The following SND1 variants were observed in gnomAD, a reference collection of about 807,000 sequenced individuals.
SND1 encodes the protein staphylococcal nuclease domain-containing protein 1.
SND1 carries 38 observed loss-of-function variants against 121.7 expected under a neutral mutation model. That is an observed-to-expected ratio of 0.31 (90% CI 0.24 to 0.41). The LOEUF (loss-of-function observed/expected upper bound fraction) is 0.41, where lower values mean the gene tolerates loss of function less well. SND1 is among the 10% of genes least tolerant of loss of function. The pLI is 1.00. For missense variants in SND1, 868 were observed against 1,184.6 expected, an observed-to-expected ratio of 0.73 and a Z score of 3.92; for synonymous variants, 401 against 447.4, an observed-to-expected ratio of 0.90 and a Z score of 1.31.
chr7:127,807,804 C>G (rs1798262990), intron 11 of SND1, among the ~76,000 whole-genome samples: 1 of 152,216 alleles, frequency 6.6e-6, no homozygotes, highest in Admixed American at 6.5e-5. Context: ...AGTCTCACAG[C>G]AGGGTCCGGG....
intron 11 of SND1, among the ~76,000 whole-genome samples, chr7:127,808,912 A>G (rs1048236942): frequency 6.6e-6 from 1 of 152,220 alleles, no homozygotes; most frequent in African/African-American, 2.4e-5. Context: ...GTGGGTTTCT[A>G]TTGAAATTTA....
At chr7:127,658,434 A>G (rs988197554) in intron 1 of SND1, among the ~76,000 whole-genome samples, 4 of 152,194 alleles carry the variant, frequency 2.6e-5, no homozygotes, top group African/African-American at 9.7e-5. Context: ...CAAAGTCACT[A>G]TTTTTCTTCT....
chr7:127,938,899 T>A (rs1018179760), intron 15 of SND1, among the ~76,000 whole-genome samples: 13 of 152,222 alleles, frequency 8.5e-5, no homozygotes, highest in Non-Finnish European at 1.5e-4. Flanking sequence ...AATTTTTTTT[T>A]ATATTCAGTG....
intron 3 of SND1, among the ~76,000 whole-genome samples, chr7:127,698,119 T>C (rs1796039654): frequency 6.6e-6 from 1 of 152,202 alleles, no homozygotes; most frequent in Admixed American, 6.5e-5. Flanking sequence ...TTTTTCTTGC[T>C]AGGTCTGATG....
intron 14 of SND1, among the ~76,000 whole-genome samples, chr7:127,917,453 T>C (rs1419279930): frequency 6.6e-6 from 1 of 152,212 alleles, no homozygotes; most frequent in Admixed American, 6.5e-5. Flanking sequence ...TAGGAACAAA[T>C]TTTTATTCTC....
intron 15 of SND1, among the ~76,000 whole-genome samples, chr7:127,940,604 C>T (rs1028993674): frequency 2.1e-4 from 32 of 152,168 alleles, no homozygotes; most frequent in Non-Finnish European, 7.3e-5. Flanking sequence ...AAATCTCCCA[C>T]CCCTTTCAAC....
At chr7:127,828,622 CTTCT>C (rs1294602561) in intron 11 of SND1, among the ~76,000 whole-genome samples, 3 of 152,090 alleles carry the variant, frequency 2.0e-5, no homozygotes, top group African/African-American at 7.2e-5. Context: ...TGGCTTTGTT[CTTCT>C]TTCTTGTAGA....
At chr7:127,772,576 C>CA (rs1454214885) in intron 10 of SND1, among the ~76,000 whole-genome samples, 1 of 152,174 alleles carries the variant, frequency 6.6e-6, no homozygotes, top group African/African-American at 2.4e-5. Context: ...CAGAAATCCT[C>CA]AAAAAATATT....
intron 14 of SND1, among the ~76,000 whole-genome samples, chr7:127,906,737 A>G (rs1800349822): frequency 6.6e-6 from 1 of 152,144 alleles, no homozygotes; most frequent in African/African-American, 2.4e-5. Context: ...TTTGAGGTTC[A>G]GGCACACCAG....
At chr7:128,056,250 G>A (rs535599048) in intron 16 of SND1, among the ~76,000 whole-genome samples, 150 of 152,302 alleles carry the variant, frequency 9.8e-4, no homozygotes, top group African/African-American at 3.3e-3. Flanking sequence ...CTTGCCTCGA[G>A]CATTTATGAT....
intron 10 of SND1, among the ~76,000 whole-genome samples, chr7:127,779,680 A>G (rs1285101119): frequency 1.3e-5 from 2 of 152,248 alleles, no homozygotes; most frequent in African/African-American, 4.8e-5. Flanking sequence ...AGTCCTGCCT[A>G]CTGCAGATTT....
At chr7:127,956,896 G>C (rs1278025124) in intron 15 of SND1, among the ~76,000 whole-genome samples, 1 of 152,034 alleles carries the variant, frequency 6.6e-6, no homozygotes, top group Admixed American at 6.6e-5. Flanking sequence ...CCCCTCTTCA[G>C]AATATAAAGT....
intron 10 of SND1, among the ~76,000 whole-genome samples, chr7:127,745,962 C>T (rs574285204): frequency 6.6e-6 from 1 of 152,304 alleles, no homozygotes; most frequent in African/African-American, 2.4e-5. Context: ...GCTTACACTG[C>T]TTATTGTGAG....
At chr7:127,720,359 G>A (rs1292928026) in intron 9 of SND1, among the ~76,000 whole-genome samples, 2 of 152,102 alleles carry the variant, frequency 1.3e-5, no homozygotes, top group Non-Finnish European at 2.9e-5. Flanking sequence ...GATGGTGATA[G>A]TGTTTTGTAG....
At chr7:127,960,351 C>T (rs550680797) in intron 15 of SND1, among the ~76,000 whole-genome samples, 2 of 152,296 alleles carry the variant, frequency 1.3e-5, no homozygotes, top group Admixed American at 6.5e-5. Context: ...AGCAGCACAC[C>T]GTCCCACCCC....
intron 8 of SND1, among the ~76,000 whole-genome samples, chr7:127,706,318 A>G (rs1004117288): frequency 7.4e-5 from 9 of 121,538 alleles, no homozygotes; most frequent in Admixed American, 1.2e-4. Flanking sequence ...GTGCAGTGGC[A>G]CGATCTCCAC....
At chr7:127,768,665 A>G (rs1797460802) in intron 10 of SND1, among the ~76,000 whole-genome samples, 1 of 152,238 alleles carries the variant, frequency 6.6e-6, no homozygotes, top group African/African-American at 2.4e-5. Flanking sequence ...TAGCTAATCA[A>G]ATAGCAGAGT....
chr7:128,006,270 G>C (rs933085096), intron 16 of SND1, among the ~76,000 whole-genome samples: 7 of 152,094 alleles, frequency 4.6e-5, no homozygotes, highest in African/African-American at 1.7e-4. Context: ...AGCCTCACTG[G>C]GAACAGTATC....
intron 15 of SND1, among the ~76,000 whole-genome samples, chr7:127,940,389 C>A (rs1801168024): frequency 1.3e-5 from 2 of 152,160 alleles, no homozygotes; most frequent in Admixed American, 1.3e-4. Flanking sequence ...GTGCTACTCA[C>A]CAGAACTCCA....
Sources: allele counts gnomAD v4.1 joint callset (sites outside exome capture counted in the v4.1 genomes callset), GRCh38; gene constraint gnomAD v4.1.1; transcripts MANE v1.5; gene names NCBI Gene and HGNC (gene_info 2026-07-23, HGNC 2026-07-21).